The following CCDC148 variants were observed in gnomAD, a reference collection of about 807,000 sequenced individuals.
CCDC148 encodes coiled-coil domain containing 148.
In CCDC148, 89 loss-of-function variants were observed where a neutral mutation model predicts 85.7. That is an observed-to-expected ratio of 1.04 (90% CI 0.87 to 1.24). The LOEUF (loss-of-function observed/expected upper bound fraction) is 1.24, where lower values mean the gene tolerates loss of function less well. Ranked by LOEUF, CCDC148 falls within the 50% of genes most tolerant of loss-of-function variation. The pLI is 0.00. For missense variants in CCDC148, 692 were observed against 671.7 expected (o/e 1.03, Z -0.33); for synonymous variants, 230 against 213.9 (o/e 1.08, Z -0.66).
At chr2:158,358,316 T>G (rs966879246) in intron 2 of CCDC148, 133 bp downstream of exon 2, 2 of 1,003,192 alleles carry the variant, frequency 2.0e-6, no homozygotes, top group East Asian at 2.7e-5. Context: ...TAGCTGCTAT[T>G]CACTATTATT....
intron 11 of CCDC148, among the ~76,000 whole-genome samples, chr2:158,196,213 C>T (rs1013836354): frequency 1.3e-5 from 2 of 152,084 alleles, no homozygotes; most frequent in East Asian, 3.8e-4. Flanking sequence ...AAACTCACCA[C>T]TTTTTAATTA....
Position 158,220,590 on chromosome 2 carries a change from T to A in CCDC148, c.1370+5A>T. 6.3e-7 allele frequency: 1 copy of A among 1,596,034 alleles called. No individual in the cohort carries two copies. The highest frequency in any genetic ancestry group is 1.1e-5 in the South Asian group (1 of 88,744). On this transcript the variant is annotated splice_donor_5th_base_variant and intron_variant, in intron 11 of 13. Coordinates refer to ENST00000283233, the MANE Select transcript of CCDC148 (RefSeq NM_138803.4). ...ATTACCACACAATTTTAAATTTTCT[T>A]TTACCTTTCTCTGTCTTTTAGTGAC...
At chr2:158,425,054 G>C in intron 1 of CCDC148, 1 of 449,546 alleles carries the variant, frequency 2.2e-6, no homozygotes, top group East Asian at 6.8e-5. Flanking sequence ...GCCCTAGGGG[G>C]TCGTGACCAA....
intron 7 of CCDC148, among the ~76,000 whole-genome samples, chr2:158,336,274 T>G (rs1682374087): frequency 1.3e-5 from 2 of 152,200 alleles, no homozygotes; most frequent in African/African-American, 2.4e-5. Flanking sequence ...AGACTACTGA[T>G]AGCCACCACC....
chr2:158,368,429 G>A (rs1266716214), intron 1 of CCDC148, among the ~76,000 whole-genome samples: 2 of 151,984 alleles, frequency 1.3e-5, no homozygotes, highest in African/African-American at 2.4e-5. Flanking sequence ...AATTCAAAGT[G>A]GCCACATCAG....
At chr2:158,311,205 T>G (rs1347639424) in intron 8 of CCDC148, among the ~76,000 whole-genome samples, 2 of 152,108 alleles carry the variant, frequency 1.3e-5, no homozygotes, top group Non-Finnish European at 2.9e-5. Context: ...TGAGCCAAAC[T>G]CCGTCTGCAA....
chr2:158,350,202 T>C (rs1683191429), intron 2 of CCDC148, among the ~76,000 whole-genome samples: 1 of 152,160 alleles, frequency 6.6e-6, no homozygotes, highest in Non-Finnish European at 1.5e-5. Flanking sequence ...GCACTTGATA[T>C]TAAATTGTAA....
intron 9 of CCDC148, among the ~76,000 whole-genome samples, chr2:158,279,277 G>C (rs899134753): frequency 2.0e-5 from 3 of 152,208 alleles, no homozygotes; most frequent in African/African-American, 4.8e-5. Context: ...AAGCTGGACG[G>C]AGAATGACTT....
At chr2:158,453,094 A>C (rs183063033) in intron 1 of CCDC148, among the ~76,000 whole-genome samples, 97 of 152,374 alleles carry the variant, frequency 6.4e-4, no homozygotes, top group Admixed American at 1.1e-3. Flanking sequence ...CCAAGAACTA[A>C]ACAAAGGACT....
chr2:158,227,039 T>C lies in CCDC148; in HGVS notation c.1252-6326A>G, dbSNP rs567256005. Among the ~76,000 whole-genome samples, 728 of 152,124 alleles carry C rather than the reference T, an allele frequency of 4.8e-3. 3 individuals are homozygous for C. Among genetic ancestry groups the C allele is most frequent in the Middle Eastern group, 0.017 (5 of 294 alleles). On this transcript the variant is annotated intron_variant, in intron 10 of 13. Transcript: ENST00000283233. ...TTGTCCCTGTTTGCAGATGACATGA[T>C]TGTATATCTAGAAAACCCCATCGTC...
At chr2:158,391,837 G>T (rs1392081831) in intron 1 of CCDC148, among the ~76,000 whole-genome samples, 2 of 152,090 alleles carry the variant, frequency 1.3e-5, no homozygotes, top group African/African-American at 4.8e-5. Context: ...AGTAATTCAG[G>T]TGAGCATATC....
intron 2 of CCDC148, among the ~76,000 whole-genome samples, chr2:158,350,616 T>G (rs1488359887): frequency 6.6e-6 from 1 of 152,198 alleles, no homozygotes; most frequent in East Asian, 1.9e-4. Flanking sequence ...ATGCTTGAAG[T>G]AGCATAATTT....
chr2:158,279,367 A>G (rs1001370454), intron 9 of CCDC148, among the ~76,000 whole-genome samples: 6 of 152,196 alleles, frequency 3.9e-5, no homozygotes, highest in Admixed American at 2.0e-4. Flanking sequence ...CAAAGAAGTT[A>G]AAAACTTTGA....
intron 11 of CCDC148, among the ~76,000 whole-genome samples, chr2:158,182,157 C>A (rs2105264699): frequency 6.6e-6 from 1 of 152,170 alleles, no homozygotes; most frequent in South Asian, 2.1e-4. Flanking sequence ...GAACACAGAC[C>A]TGTCTTCACA....
chr2:158,209,501 T>C (rs979479600), intron 11 of CCDC148, among the ~76,000 whole-genome samples: 1 of 152,138 alleles, frequency 6.6e-6, no homozygotes, highest in Non-Finnish European at 1.5e-5. Context: ...ACAGCATCCT[T>C]TGCTGCTGTG....
chr2:158,258,447 G>A (rs192420641), intron 9 of CCDC148, among the ~76,000 whole-genome samples: 3 of 151,964 alleles, frequency 2.0e-5, no homozygotes, highest in Admixed American at 2.0e-4. Context: ...ACCAGAGTTT[G>A]AGTCCTACCT....
At chr2:158,323,777 A>T (rs1692628061) in intron 7 of CCDC148, among the ~76,000 whole-genome samples, 1 of 152,110 alleles carries the variant, frequency 6.6e-6, no homozygotes, top group Non-Finnish European at 1.5e-5. Context: ...TATTTATCAG[A>T]TCATGTAATA....
intron 9 of CCDC148, among the ~76,000 whole-genome samples, chr2:158,262,019 T>A (rs932353025): frequency 6.6e-6 from 1 of 151,848 alleles, no homozygotes; most frequent in African/African-American, 2.4e-5. Flanking sequence ...ACTGGGTATA[T>A]AGAGGAATAT....
chr2:158,445,654 T>C (rs998728528), intron 1 of CCDC148, among the ~76,000 whole-genome samples: 1 of 152,180 alleles, frequency 6.6e-6, no homozygotes, highest in African/African-American at 2.4e-5. Context: ...TCTAAAGATA[T>C]TCTACTAAAA....
Sources: allele counts gnomAD v4.1 joint callset (sites outside exome capture counted in the v4.1 genomes callset), GRCh38; gene constraint gnomAD v4.1.1; transcripts MANE v1.5; gene names NCBI Gene and HGNC (gene_info 2026-07-23, HGNC 2026-07-21).